The following SPIDR variants were observed in gnomAD, a reference collection of about 807,000 sequenced individuals.
SPIDR encodes the protein DNA repair-scaffolding protein.
Under a neutral mutation model 104.6 loss-of-function variants are expected in SPIDR, and 93 were observed. The ratio of observed to expected loss-of-function variants is 0.89; its 90% CI spans 0.75 to 1.06. The LOEUF is 1.06. Among genes scored for constraint, SPIDR ranks in the 50% least tolerant of loss-of-function variants. SPIDR has a pLI of 0.00. For missense variants in SPIDR, 1,154 were observed against 1,111.2 expected, an observed-to-expected ratio of 1.04 and a Z score of -0.55; for synonymous variants, 431 against 416.9, an observed-to-expected ratio of 1.03 and a Z score of -0.41.
chr8:47,304,986 G>A (rs1400308129), intron 5 of SPIDR, among the ~76,000 whole-genome samples: 1 of 152,186 alleles, frequency 6.6e-6, no homozygotes, highest in African/African-American at 2.4e-5. Flanking sequence ...TTCTGCCATG[G>A]GAAGGTGTAG....
intron 5 of SPIDR, among the ~76,000 whole-genome samples, chr8:47,312,496 T>C (rs2044395045): frequency 1.3e-5 from 2 of 152,196 alleles, no homozygotes; most frequent in South Asian, 2.1e-4. Flanking sequence ...TTTCATGTGT[T>C]TTTTGGCTGC....
At chr8:47,533,420 A>T (rs1370141477) in intron 8 of SPIDR, among the ~76,000 whole-genome samples, 1 of 152,192 alleles carries the variant, frequency 6.6e-6, no homozygotes, top group Non-Finnish European at 1.5e-5. Flanking sequence ...GCAAAAATTG[A>T]CAAGTGGGAT....
intron 5 of SPIDR, among the ~76,000 whole-genome samples, chr8:47,348,044 G>A (rs182916528): frequency 1.7e-4 from 26 of 152,218 alleles, no homozygotes; most frequent in Middle Eastern, 3.4e-3. Context: ...TCCTAGCCTC[G>A]ATGGTCTTTA....
intron 7 of SPIDR, among the ~76,000 whole-genome samples, chr8:47,427,687 G>A (rs782636632): frequency 7.2e-5 from 11 of 152,192 alleles, no homozygotes; most frequent in Non-Finnish European, 1.5e-4. Context: ...GTCCCTGACC[G>A]TCAGGCTACC....
chr8:47,597,203 G>C (rs974096816), intron 9 of SPIDR, among the ~76,000 whole-genome samples: 2 of 152,124 alleles, frequency 1.3e-5, no homozygotes, highest in African/African-American at 4.8e-5. Context: ...AGACTTTTAT[G>C]CAACTGGCAA....
At chr8:47,477,860 T>A (rs911803713) in intron 8 of SPIDR, among the ~76,000 whole-genome samples, 2 of 152,074 alleles carry the variant, frequency 1.3e-5, no homozygotes, top group African/African-American at 4.8e-5. Context: ...CTGCCAGGGC[T>A]CAGAGGGGAG....
At chr8:47,605,511 C>T (rs1408431535) in intron 10 of SPIDR, among the ~76,000 whole-genome samples, 1 of 152,200 alleles carries the variant, frequency 6.6e-6, no homozygotes, top group Non-Finnish European at 1.5e-5. Flanking sequence ...CATTCTGTCT[C>T]TTGTTTCCTA....
intron 16 of SPIDR, among the ~76,000 whole-genome samples, chr8:47,714,321 T>C (rs955249213): frequency 1.3e-5 from 2 of 152,138 alleles, no homozygotes; most frequent in Non-Finnish European, 2.9e-5. Context: ...ACCTCCGAGC[T>C]CCTGGCTCAG....
intron 8 of SPIDR, among the ~76,000 whole-genome samples, chr8:47,472,128 A>G (rs868979604): frequency 6.6e-6 from 1 of 152,198 alleles, no homozygotes; most frequent in South Asian, 2.1e-4. Flanking sequence ...TTTTCTATAC[A>G]GTCTCCCTGA....
At chr8:47,692,364 T>C (rs1314822707) in intron 11 of SPIDR, among the ~76,000 whole-genome samples, 2 of 152,152 alleles carry the variant, frequency 1.3e-5, no homozygotes, top group African/African-American at 2.4e-5. Context: ...TTTCCGTCTC[T>C]GTGGATTTGC....
chr8:47,301,620 G>A (rs1402532733), intron 5 of SPIDR, among the ~76,000 whole-genome samples: 4 of 146,210 alleles, frequency 2.7e-5, no homozygotes, highest in African/African-American at 1.0e-4. Flanking sequence ...TCCTTCAGGA[G>A]CTCTTTTAGG....
At chr8:47,599,247 G>T in intron 10 of SPIDR, 51 bp downstream of exon 10, 1 of 1,595,582 alleles carries the variant, frequency 6.3e-7, no homozygotes, top group South Asian at 1.1e-5. Context: ...CACTTAGACA[G>T]AGTGCTCTAG....
At chr8:47,688,704 T>C (rs2078197911) in intron 11 of SPIDR, among the ~76,000 whole-genome samples, 1 of 152,232 alleles carries the variant, frequency 6.6e-6, no homozygotes, top group South Asian at 2.1e-4. Context: ...GGCACAGGTG[T>C]GCACATCGTG....
intron 7 of SPIDR, among the ~76,000 whole-genome samples, chr8:47,424,288 A>G (rs1341749909): frequency 1.3e-5 from 2 of 152,148 alleles, no homozygotes; most frequent in African/African-American, 2.4e-5. Context: ...TAGTTTTTAA[A>G]ACTAAAAGTA....
intron 8 of SPIDR, among the ~76,000 whole-genome samples, chr8:47,475,650 A>G (rs1229062134): frequency 1.3e-5 from 2 of 152,212 alleles, no homozygotes; most frequent in East Asian, 3.8e-4. Flanking sequence ...ATAAAAGGCT[A>G]CATGTTTCTT....
At chr8:47,536,934 A>G (rs1454941754) in intron 8 of SPIDR, among the ~76,000 whole-genome samples, 1 of 152,212 alleles carries the variant, frequency 6.6e-6, no homozygotes, top group African/African-American at 2.4e-5. Flanking sequence ...CATTAAGGAG[A>G]TGTACAGATG....
chr8:47,710,710 C>T (rs773453627), intron 14 of SPIDR, among the ~76,000 whole-genome samples: 5 of 152,096 alleles, frequency 3.3e-5, no homozygotes, highest in Admixed American at 1.3e-4. Flanking sequence ...TCAGGTTATC[C>T]GCCTGCCTCG....
chr8:47,420,147 T>C (rs1554678879), intron 7 of SPIDR, among the ~76,000 whole-genome samples: 2 of 152,212 alleles, frequency 1.3e-5, no homozygotes, highest in Admixed American at 1.3e-4. Flanking sequence ...GGTGCAGAGC[T>C]GAGTTCAATT....
chr8:47,626,845 C>G (rs1205404785), intron 10 of SPIDR, among the ~76,000 whole-genome samples: 1 of 152,092 alleles, frequency 6.6e-6, no homozygotes, highest in Non-Finnish European at 1.5e-5. Flanking sequence ...CCTCAGGGAT[C>G]TAGAACTAGA....
Sources: allele counts gnomAD v4.1 joint callset (sites outside exome capture counted in the v4.1 genomes callset), GRCh38; gene constraint gnomAD v4.1.1; transcripts MANE v1.5; gene names NCBI Gene and HGNC (gene_info 2026-07-23, HGNC 2026-07-21).